The following PTPRA variants were observed in gnomAD, a reference collection of about 807,000 sequenced individuals.
PTPRA encodes the protein protein tyrosine phosphatase receptor type A, also known as receptor-type tyrosine-protein phosphatase alpha.
A neutral mutation model predicts 104.8 loss-of-function variants in PTPRA; 25 were observed. The ratio of observed to expected loss-of-function variants is 0.24; its 90% CI spans 0.17 to 0.33. PTPRA has a LOEUF of 0.33. Ranked by LOEUF, PTPRA falls within the 10% of genes least tolerant of loss-of-function variation. The pLI is 1.00. For synonymous variants in PTPRA, 323 were observed against 368.9 expected, an observed-to-expected ratio of 0.88 and a Z score of 1.43; for missense variants, 765 against 1,015.3, an observed-to-expected ratio of 0.75 and a Z score of 3.35.
intron 12 of PTPRA, among the ~76,000 whole-genome samples, chr20:3,017,492 T>C (rs971649892): frequency 5.3e-5 from 8 of 152,218 alleles, no homozygotes; most frequent in African/African-American, 1.4e-4. Flanking sequence ...CTTAGCTCAC[T>C]GTCAGGTCCA....
At position 3,037,682 on chromosome 20, in the gene PTPRA, G is replaced by C. The variant is rs2065869458; in HGVS notation, c.2335-377G>C. Among the ~76,000 whole-genome samples, 1 of 152,206 alleles carries C rather than the reference G, an allele frequency of 6.6e-6. No homozygotes were observed. The highest frequency in any genetic ancestry group is 2.1e-4 in the South Asian group (1 of 4,830). On this transcript the variant is annotated intron_variant, in intron 23 of 23. Coordinates refer to ENST00000399903, the MANE Select transcript of PTPRA (RefSeq NM_001385305.1). The surrounding 1 kb of genome is among the most constrained non-coding windows in gnomAD (Gnocchi z 4.3). ...GAATCCCATGGAGCTAGAAATGTTT[G>C]GGGGGTAAAGAAAAGTGAATGTTAG...
chr20:2,874,347 A>C (rs895572425), intron 1 of PTPRA, among the ~76,000 whole-genome samples: 5 of 152,126 alleles, frequency 3.3e-5, no homozygotes, highest in Admixed American at 1.3e-4. Context: ...GTAAATAAAA[A>C]ATTTTTTTTG....
At chr20:3,002,321 AAT>A (rs2063668377) in intron 9 of PTPRA, among the ~76,000 whole-genome samples, 1 of 103,410 alleles carries the variant, frequency 9.7e-6, no homozygotes. Flanking sequence ...CAAATGTAGT[AAT>A]TTTTTTTTTT....
chr20:2,871,718 C>G (rs996523336), upstream of PTPRA, among the ~76,000 whole-genome samples: 1 of 152,070 alleles, frequency 6.6e-6, no homozygotes, highest in Non-Finnish European at 1.5e-5. Flanking sequence ...TTCGGTGTTG[C>G]GGGATAGATT....
rs750066773 is a variant in PTPRA, at chr20:3,024,657, G to A, written c.1614+36G>A. The A allele has an allele frequency of 1.9e-6, 3 of 1,610,350 alleles. No homozygotes were observed. In the Admixed American group the frequency reaches 5.0e-5, roughly 27 times the overall value. On this transcript the variant is annotated intron_variant, in intron 17 of 23. Transcript: ENST00000399903. Reference sequence around the variant, plus strand: ...GCTGGATAACCTCCTTCAGATTGAAGGATCCTTGTAATCTGGGGAACATGG... The same window carrying A: ...GCTGGATAACCTCCTTCAGATTGAAAGATCCTTGTAATCTGGGGAACATGG...
chr20:2,979,910 T>A (rs1459579285), intron 6 of PTPRA, among the ~76,000 whole-genome samples: 2 of 151,878 alleles, frequency 1.3e-5, no homozygotes, highest in Non-Finnish European at 2.9e-5. Flanking sequence ...TTTGTTTTCA[T>A]TTTTGTTTTG....
At chr20:2,896,333 AGT>A (rs2058997979) in intron 1 of PTPRA, among the ~76,000 whole-genome samples, 1 of 152,180 alleles carries the variant, frequency 6.6e-6, no homozygotes, top group Non-Finnish European at 1.5e-5. Flanking sequence ...GAGCCGAGAT[AGT>A]GCCACTGCAA....
chr20:3,032,290 T>C (rs2065497726), intron 20 of PTPRA, among the ~76,000 whole-genome samples: 1 of 152,210 alleles, frequency 6.6e-6, no homozygotes, highest in African/African-American at 2.4e-5. Flanking sequence ...TGCTCAGGGA[T>C]GTTGCTGCTA....
At chr20:3,013,471 G>A (rs187252756) in intron 11 of PTPRA, among the ~76,000 whole-genome samples, 93 of 151,026 alleles carry the variant, frequency 6.2e-4, no homozygotes, top group African/African-American at 2.2e-3. Flanking sequence ...AGGCTGGAGT[G>A]CAATGGCGCG....
intron 22 of PTPRA, among the ~76,000 whole-genome samples, chr20:3,036,791 G>A (rs1375177916): frequency 6.6e-6 from 1 of 152,108 alleles, no homozygotes; most frequent in East Asian, 1.9e-4. Context: ...AGTGTAGGGA[G>A]TGGGGTTTGT....
At chr20:2,874,330 A>G (rs538193426) in intron 1 of PTPRA, among the ~76,000 whole-genome samples, 4 of 151,876 alleles carry the variant, frequency 2.6e-5, no homozygotes, top group Admixed American at 1.3e-4. Context: ...CTCCCTTTTT[A>G]CTTTCGGTAA....
At chr20:2,866,870 C>A in the PTPRA span, 51 of 385,574 alleles carry the variant, frequency 1.3e-4, no homozygotes, top group African/African-American at 9.5e-4. Flanking sequence ...TCGCAAGAAA[C>A]GTGTCCTCTC....
intron 1 of PTPRA, among the ~76,000 whole-genome samples, chr20:2,922,334 T>G (rs996177505): frequency 4.6e-5 from 7 of 152,100 alleles, no homozygotes; most frequent in African/African-American, 1.4e-4. Context: ...AGGGCTGTTT[T>G]ATTGATTGAT....
At chr20:2,943,386 A>G (rs2061001681) in intron 2 of PTPRA, among the ~76,000 whole-genome samples, 1 of 152,172 alleles carries the variant, frequency 6.6e-6, no homozygotes, top group Non-Finnish European at 1.5e-5. Context: ...TTCAAGTTCA[A>G]GGGTAGTCTG....
At chr20:2,921,965 G>T (rs1568654485) in intron 1 of PTPRA, among the ~76,000 whole-genome samples, 2 of 152,128 alleles carry the variant, frequency 1.3e-5, no homozygotes, top group Non-Finnish European at 2.9e-5. Context: ...TGTTATAGGG[G>T]GTTGTCCTGT....
chr20:2,929,217 G>C (rs192418711), intron 2 of PTPRA, among the ~76,000 whole-genome samples: 1 of 151,694 alleles, frequency 6.6e-6, no homozygotes, highest in African/African-American at 2.4e-5. Context: ...CTCCCAAAGT[G>C]CTGGGATTAC....
At chr20:2,878,505 C>CA (rs2089872579) in intron 1 of PTPRA, among the ~76,000 whole-genome samples, 1 of 152,222 alleles carries the variant, frequency 6.6e-6, no homozygotes, top group Admixed American at 6.5e-5. Flanking sequence ...CCACCACTCT[C>CA]AGCCAACAGC....
intron 13 of PTPRA, among the ~76,000 whole-genome samples, chr20:3,020,195 G>A (rs937076929): frequency 3.9e-5 from 6 of 151,986 alleles, no homozygotes; most frequent in African/African-American, 7.3e-5. Flanking sequence ...TGCAAGCTCC[G>A]CCTCCCGGGT....
intron 11 of PTPRA, among the ~76,000 whole-genome samples, chr20:3,011,662 G>A (rs145985515): frequency 2.6e-5 from 4 of 152,338 alleles, no homozygotes; most frequent in African/African-American, 9.6e-5. Context: ...TGGGAAATGA[G>A]ACTTGATCTT....
Sources: gnomAD v4.1 joint callset for allele counts (sites outside exome capture counted in the v4.1 genomes callset) on GRCh38, gnomAD v4.1.1 for gene constraint, Gnocchi (gnomAD v3.1) non-coding constraint, MANE v1.5 for transcripts, NCBI Gene and HGNC (gene_info 2026-07-23, HGNC 2026-07-21) for gene names.